FARP1: variants seen among roughly 807,000 people sequenced by gnomAD.
The protein encoded by FARP1 is FERM, ARH/RhoGEF and pleckstrin domain protein 1.
FARP1 carries 52 observed loss-of-function variants against 128.8 expected under a neutral mutation model. The ratio of observed to expected loss-of-function variants is 0.40; its 90% CI spans 0.32 to 0.51. The LOEUF (loss-of-function observed/expected upper bound fraction) is 0.51. Among genes scored for constraint, FARP1 ranks in the 20% least tolerant of loss-of-function variants. The pLI is 0.45. For missense variants in FARP1, 1,333 were observed against 1,367.9 expected, an observed-to-expected ratio of 0.97 and a Z score of 0.40; for synonymous variants, 580 against 551.8, an observed-to-expected ratio of 1.05 and a Z score of -0.72.
chr13:98,226,848 C>T (rs1479381332), intron 2 of FARP1, among the ~76,000 whole-genome samples: 2 of 152,088 alleles, frequency 1.3e-5, no homozygotes, highest in Non-Finnish European at 2.9e-5. Context: ...CATCACTCTC[C>T]CACCACCATT....
At chr13:98,288,531 A>T (rs1885302119) in intron 2 of FARP1, among the ~76,000 whole-genome samples, 2 of 152,126 alleles carry the variant, frequency 1.3e-5, no homozygotes, top group Non-Finnish European at 2.9e-5. Context: ...TTGTGGCCTC[A>T]CTGTGTCCCA....
At chr13:98,255,077 A>T (rs1337199738) in intron 2 of FARP1, among the ~76,000 whole-genome samples, 2 of 152,216 alleles carry the variant, frequency 1.3e-5, no homozygotes, top group Non-Finnish European at 1.5e-5. Context: ...ATTTTGGGTA[A>T]AACAACAGTA....
intron 6 of FARP1, among the ~76,000 whole-genome samples, chr13:98,381,359 G>A (rs1483444745): frequency 6.6e-6 from 1 of 152,056 alleles, no homozygotes; most frequent in Non-Finnish European, 1.5e-5. Context: ...AATTATCTCT[G>A]GTAAGCTGAT....
chr13:98,164,964 C>T (rs1346770473), intron 1 of FARP1, among the ~76,000 whole-genome samples: 1 of 152,086 alleles, frequency 6.6e-6, no homozygotes, highest in Non-Finnish European at 1.5e-5. Flanking sequence ...ACTGTAATCC[C>T]AGCCCTTTGG....
chr13:98,383,945 C>T (rs1382151796), intron 6 of FARP1: 1 of 152,192 alleles, frequency 6.6e-6, no homozygotes. Flanking sequence ...TCTACCTTTG[C>T]ACCCACTGAC....
intron 1 of FARP1, among the ~76,000 whole-genome samples, chr13:98,197,324 G>A (rs1318281452): frequency 6.6e-6 from 1 of 152,038 alleles, no homozygotes; most frequent in Non-Finnish European, 1.5e-5. Context: ...AAATTAGACA[G>A]GCTTGGTGGC....
chr13:98,244,889 C>G, intron 2 of FARP1: 2 of 1,423,972 alleles, frequency 1.4e-6, no homozygotes, highest in African/African-American at 1.4e-5. Flanking sequence ...GGGGCCCATC[C>G]ACTCCTAAAC....
In FARP1 at chr13:98,424,615, G is replaced by A. The variant is rs748184474; in HGVS notation, c.1870G>A (p.Gly624Ser). 9 of 1,613,906 alleles carry A rather than the reference G, an allele frequency of 5.6e-6. No individual in the cohort carries two copies. Among genetic ancestry groups the A allele is most frequent in the East Asian group, 2.2e-5 (1 of 44,882 alleles). Reference sequence around the variant, plus strand: ...CCAAATCAGAGATTACCAAAGAATCGGCGATGTCATGCTGAAGAACATTCA... The same window carrying A: ...CCAAATCAGAGATTACCAAAGAATCAGCGATGTCATGCTGAAGAACATTCA... ...NAQIRDYQRIGDVMLKNIQGM... is the reference protein window; with the variant it reads ...NAQIRDYQRISDVMLKNIQGM... The change falls in exon 17 of 27, where the codon GGC becomes AGC. Residue 624 changes from glycine (G) to serine (S), a missense_variant. Around this residue, in one of 2 missense-constraint regions of FARP1, gnomAD observed 1,009 missense variants for 969.8 expected, o/e 1.04. Coordinates refer to ENST00000319562, the MANE Select transcript of FARP1 (RefSeq NM_005766.4).
intron 2 of FARP1, among the ~76,000 whole-genome samples, chr13:98,326,580 A>G (rs1192537062): frequency 1.3e-5 from 2 of 152,118 alleles, no homozygotes; most frequent in African/African-American, 2.4e-5. Flanking sequence ...ATTCACTACA[A>G]TTGGGACTAA....
At chr13:98,322,656 G>GGA (rs1306495176) in intron 2 of FARP1, among the ~76,000 whole-genome samples, 2 of 152,218 alleles carry the variant, frequency 1.3e-5, no homozygotes, top group East Asian at 3.8e-4. Flanking sequence ...ACTCTTGTGT[G>GGA]ATAGGAAGAA....
intron 1 of FARP1, among the ~76,000 whole-genome samples, chr13:98,184,362 C>T (rs534210549): frequency 6.6e-6 from 1 of 152,256 alleles, no homozygotes; most frequent in East Asian, 1.9e-4. Context: ...AGGTGATCCA[C>T]CTGCCTCCCA....
chr13:98,361,809 T>C (rs1888884034), intron 3 of FARP1, among the ~76,000 whole-genome samples: 1 of 152,170 alleles, frequency 6.6e-6, no homozygotes, highest in South Asian at 2.1e-4. Flanking sequence ...CCTGTCCCTA[T>C]CCCTATCCCT....
At chr13:98,277,276 G>A (rs592685) in intron 2 of FARP1, among the ~76,000 whole-genome samples, 2 of 151,754 alleles carry the variant, frequency 1.3e-5, no homozygotes, top group Non-Finnish European at 2.9e-5. Context: ...CCATGGCCTC[G>A]CGTGTAGCTG....
rs764222799 is a variant in FARP1 at position 98,431,129 on chromosome 13, C to A, written c.1992C>A (p.Phe664Leu). 4 of 1,614,080 alleles carry A rather than the reference C, an allele frequency of 2.5e-6. No individual in the cohort carries two copies. The highest frequency in any genetic ancestry group is 2.5e-6 in the Non-Finnish European group (3 of 1,180,040). The stretch of plus-strand genomic sequence containing the variant: ...AGAGCTCCCGGCGGCTGGAGAACTT[C>A]TGCAGAGACTTTGAGCTGCAGAAGG... Reference protein sequence around the residue: ...GIKSSRRLENFCRDFELQKVC... With the variant: ...GIKSSRRLENLCRDFELQKVC... Residue 664 changes from phenylalanine to leucine, a missense_variant, in exon 18 of 27, where the codon TTC becomes TTA. Transcript: ENST00000319562.
chr13:98,241,379 G>A (rs546727069), intron 2 of FARP1, among the ~76,000 whole-genome samples: 2 of 152,250 alleles, frequency 1.3e-5, no homozygotes, highest in African/African-American at 4.8e-5. Context: ...CCTTAAATAC[G>A]GCATGTTGCA....
chr13:98,362,568 T>C (rs935565611), intron 3 of FARP1, among the ~76,000 whole-genome samples: 6 of 152,320 alleles, frequency 3.9e-5, no homozygotes, highest in African/African-American at 9.6e-5. Context: ...GGTGGACATA[T>C]TGGCCAACGC....
At chr13:98,370,369 G>T (rs1170611109) in intron 5 of FARP1, among the ~76,000 whole-genome samples, 2 of 152,170 alleles carry the variant, frequency 1.3e-5, no homozygotes, top group African/African-American at 4.8e-5. Context: ...TGGATGTTAG[G>T]GGGAGAAGGA....
intron 2 of FARP1, among the ~76,000 whole-genome samples, chr13:98,327,883 A>T (rs1415238832): frequency 6.6e-6 from 1 of 152,226 alleles, no homozygotes; most frequent in African/African-American, 2.4e-5. Context: ...GAGGGGAAGA[A>T]TAAGACAACA....
At chr13:98,327,975 C>T (rs1715309138) in intron 2 of FARP1, among the ~76,000 whole-genome samples, 1 of 152,128 alleles carries the variant, frequency 6.6e-6, no homozygotes, top group Non-Finnish European at 1.5e-5. Context: ...GAGAACCATG[C>T]GCACGCGATT....
Sources: gnomAD v4.1 joint callset for allele counts (sites outside exome capture counted in the v4.1 genomes callset) on GRCh38, gnomAD v4.1.1 for gene constraint, gnomAD v4.1.1 regional missense constraint, MANE v1.5 for transcripts, NCBI Gene and HGNC (gene_info 2026-07-23, HGNC 2026-07-21) for gene names.